The following NEDD4L variants were observed in gnomAD, a reference collection of about 807,000 sequenced individuals.
NEDD4L encodes the protein E3 ubiquitin-protein ligase NEDD4-like.
Under a neutral mutation model 148.9 loss-of-function variants are expected in NEDD4L, and 54 were observed. That is an observed-to-expected ratio of 0.36 (90% CI 0.29 to 0.45). NEDD4L has a LOEUF of 0.45. Ranked by LOEUF, NEDD4L falls within the 20% of genes least tolerant of loss-of-function variation. The pLI is 1.00. For missense variants in NEDD4L, 856 were observed against 1,233.8 expected (o/e 0.69, Z 4.59); for synonymous variants, 433 against 440.7 (o/e 0.98, Z 0.22).
At chr18:58,165,732 G>A (rs1359519312) in intron 1 of NEDD4L, 56 bp from the exon 2 acceptor site, 1 of 1,529,818 alleles carries the variant, frequency 6.5e-7, no homozygotes, top group Non-Finnish European at 9.0e-7. Flanking sequence ...TTGGATGAGA[G>A]AGTGATTGAT....
intron 2 of NEDD4L, among the ~76,000 whole-genome samples, chr18:58,245,213 T>C (rs1199034581): frequency 6.6e-6 from 1 of 152,252 alleles, no homozygotes; most frequent in East Asian, 1.9e-4. Context: ...TATATATTTT[T>C]AGCTTCTAAG....
intron 5 of NEDD4L, among the ~76,000 whole-genome samples, chr18:58,279,957 A>G (rs893784084): frequency 8.5e-5 from 13 of 152,228 alleles, no homozygotes; most frequent in African/African-American, 3.1e-4. Flanking sequence ...AGCCAGGCTA[A>G]GTGGTGTTGT....
At chr18:58,117,631 G>A (rs2085935538) in intron 1 of NEDD4L, among the ~76,000 whole-genome samples, 2 of 152,208 alleles carry the variant, frequency 1.3e-5, no homozygotes, top group Admixed American at 1.3e-4. Context: ...CAGAGCAATA[G>A]GGGGAGGTGT....
At chr18:58,337,745 C>T (rs2041952826) in intron 13 of NEDD4L, among the ~76,000 whole-genome samples, 1 of 152,168 alleles carries the variant, frequency 6.6e-6, no homozygotes, top group Non-Finnish European at 1.5e-5. Context: ...CTACCCTGCC[C>T]TTTCAACTCC....
chr18:58,086,263 G>T (rs1443833048), intron 1 of NEDD4L, among the ~76,000 whole-genome samples: 13 of 152,136 alleles, frequency 8.5e-5, no homozygotes, highest in Admixed American at 8.5e-4. Context: ...TGTCCTACCT[G>T]TTGTGTCAGA....
At chr18:58,115,137 A>G (rs952218822) in intron 1 of NEDD4L, among the ~76,000 whole-genome samples, 5 of 151,620 alleles carry the variant, frequency 3.3e-5, no homozygotes, top group Non-Finnish European at 7.4e-5. Context: ...GGCGTCTGAT[A>G]TTGTGAACCT....
intron 1 of NEDD4L, among the ~76,000 whole-genome samples, chr18:58,091,860 T>C (rs1007288457): frequency 6.6e-6 from 1 of 152,166 alleles, no homozygotes; most frequent in African/African-American, 2.4e-5. Flanking sequence ...CTGTGGAAGC[T>C]CCTTTGGCAA....
At chr18:58,208,007 C>T (rs2042143603) in intron 2 of NEDD4L, among the ~76,000 whole-genome samples, 1 of 152,118 alleles carries the variant, frequency 6.6e-6, no homozygotes, top group Admixed American at 6.5e-5. Flanking sequence ...CATGCCACTG[C>T]ACTCCAGCCT....
intron 1 of NEDD4L, among the ~76,000 whole-genome samples, chr18:58,060,509 G>A (rs543412825): frequency 2.0e-5 from 3 of 152,128 alleles, no homozygotes; most frequent in African/African-American, 4.8e-5. Context: ...GGCAGAAATG[G>A]TGATGACGGT....
At chr18:58,245,607 T>A in intron 3 of NEDD4L, 99 bp downstream of exon 3, 1 of 580,294 alleles carries the variant, frequency 1.7e-6, no homozygotes, top group Non-Finnish European at 3.1e-6. Flanking sequence ...AAGGATGGAC[T>A]ACTTACACAG....
At chr18:58,190,179 A>C (rs558502867) in intron 2 of NEDD4L, among the ~76,000 whole-genome samples, 1 of 152,296 alleles carries the variant, frequency 6.6e-6, no homozygotes, top group African/African-American at 2.4e-5. Flanking sequence ...AAGAGTGTGC[A>C]TGCCTGTTAT....
At chr18:58,234,292 T>TCCCCTTCCTCCCTTTC (rs1261156395) in intron 2 of NEDD4L, among the ~76,000 whole-genome samples, 4 of 116,532 alleles carry the variant, frequency 3.4e-5, no homozygotes. Flanking sequence ...CCCTTCTCCT[T>TCCCCTTCCTCCCTTTC]CCCCTTCCTC....
In NEDD4L at chr18:58,100,213, G is replaced by A. The variant is rs146280353; in HGVS notation, c.48+55505G>A. Among the ~76,000 whole-genome samples, 420 of 152,236 alleles carry A rather than the reference G, an allele frequency of 2.8e-3. 1 individual carries two copies. The highest frequency in any genetic ancestry group is 4.3e-3 in the Non-Finnish European group (294 of 68,022). On this transcript the variant is annotated intron_variant, in intron 1 of 30. Coordinates refer to ENST00000400345, the MANE Select transcript of NEDD4L (RefSeq NM_001144967.3). Reference sequence around the variant, plus strand: ...GGGAGGAGCACTTGTCTGTGGTAGGGTGAGGAGGACCACTTCCTTGGGCTA... The same window carrying A: ...GGGAGGAGCACTTGTCTGTGGTAGGATGAGGAGGACCACTTCCTTGGGCTA...
At chr18:58,287,493 C>T (rs561767244) in intron 5 of NEDD4L, among the ~76,000 whole-genome samples, 6 of 152,252 alleles carry the variant, frequency 3.9e-5, no homozygotes, top group East Asian at 3.9e-4. Context: ...GAGTTCACCT[C>T]GGCACCACAG....
intron 1 of NEDD4L, among the ~76,000 whole-genome samples, chr18:58,110,851 A>C (rs2085375284): frequency 6.6e-6 from 1 of 152,196 alleles, no homozygotes; most frequent in South Asian, 2.1e-4. Flanking sequence ...CAGGCAGACA[A>C]ATATAGCTAG....
chr18:58,225,718 T>C (rs1449000037), intron 2 of NEDD4L, among the ~76,000 whole-genome samples: 1 of 152,172 alleles, frequency 6.6e-6, no homozygotes, highest in Non-Finnish European at 1.5e-5. Flanking sequence ...CATTATTAGG[T>C]CCGGAGCCAG....
At chr18:58,159,459 G>C (rs2035923581) in intron 1 of NEDD4L, among the ~76,000 whole-genome samples, 1 of 152,130 alleles carries the variant, frequency 6.6e-6, no homozygotes, top group South Asian at 2.1e-4. Flanking sequence ...TGTTGATCAT[G>C]GGGGAGGCTG....
chr18:58,141,513 T>G (rs2033503226), intron 1 of NEDD4L, among the ~76,000 whole-genome samples: 1 of 152,176 alleles, frequency 6.6e-6, no homozygotes, highest in South Asian at 2.1e-4. Flanking sequence ...AAAAACTTTA[T>G]GTGTTGATGG....
At chr18:58,074,457 T>C (rs1293126849) in intron 1 of NEDD4L, among the ~76,000 whole-genome samples, 5 of 138,546 alleles carry the variant, frequency 3.6e-5, no homozygotes, top group African/African-American at 1.1e-4. Context: ...TTTTTTTTAA[T>C]AGAGTTGGGG....
Sources: allele counts gnomAD v4.1 joint callset (sites outside exome capture counted in the v4.1 genomes callset), GRCh38; gene constraint gnomAD v4.1.1; transcripts MANE v1.5; gene names NCBI Gene and HGNC (gene_info 2026-07-23, HGNC 2026-07-21).